Variants in TNFSF4 observed in about 807,000 individuals in gnomAD.
TNFSF4 encodes the protein TNF superfamily member 4.
A neutral mutation model predicts 7.3 loss-of-function variants in TNFSF4; 4 were observed. The observed-to-expected ratio is 0.55, with a 90% CI of 0.27 to 1.25. The LOEUF (loss-of-function observed/expected upper bound fraction) is 1.25, where lower values mean the gene tolerates loss of function less well. Ranked by LOEUF, TNFSF4 falls within the 50% of genes most tolerant of loss-of-function variation. TNFSF4 has a pLI of 0.12. For synonymous variants in TNFSF4, 76 were observed against 83.7 expected (o/e 0.91, Z 0.50); for missense variants, 181 against 208.8 (o/e 0.87, Z 0.82).
the TNFSF4 span, among the ~76,000 whole-genome samples, chr1:173,250,544 C>G: frequency 6.6e-6 from 1 of 151,590 alleles, no homozygotes; most frequent in Non-Finnish European, 1.5e-5. Context: ...ACTGCAAGCT[C>G]CGCCTCCCGG....
chr1:173,442,623 C>G, the TNFSF4 span, among the ~76,000 whole-genome samples: 1 of 140,510 alleles, frequency 7.1e-6, no homozygotes, highest in African/African-American at 2.6e-5. Flanking sequence ...AATCTCAACT[C>G]ACTGCAACCT....
chr1:173,444,525 A>AT, the TNFSF4 span, among the ~76,000 whole-genome samples: 5 of 151,418 alleles, frequency 3.3e-5, no homozygotes, highest in African/African-American at 1.2e-4. Flanking sequence ...TTTTTTTTTA[A>AT]TTTTTTGAAA....
chr1:173,264,982 C>T, the TNFSF4 span, among the ~76,000 whole-genome samples: 1 of 152,178 alleles, frequency 6.6e-6, no homozygotes, highest in African/African-American at 2.4e-5. Flanking sequence ...AGGCAAAATA[C>T]CTCATTTCTA....
chr1:173,267,739 T>C, the TNFSF4 span, among the ~76,000 whole-genome samples: 2 of 152,044 alleles, frequency 1.3e-5, no homozygotes, highest in Non-Finnish European at 2.9e-5. Flanking sequence ...CCAGGATTAC[T>C]CACTAGTCAG....
At chr1:173,289,735 C>T in the TNFSF4 span, among the ~76,000 whole-genome samples, 4 of 152,012 alleles carry the variant, frequency 2.6e-5, no homozygotes, top group African/African-American at 9.7e-5. Flanking sequence ...AATGCAGTAT[C>T]TGAATTGAAA....
At chr1:173,223,847 G>A in the TNFSF4 span, among the ~76,000 whole-genome samples, 1 of 152,190 alleles carries the variant, frequency 6.6e-6, no homozygotes, top group Non-Finnish European at 1.5e-5. Context: ...GCAAAGGAGA[G>A]AAACCCCAGG....
the TNFSF4 span, among the ~76,000 whole-genome samples, chr1:173,369,593 G>A: frequency 6.6e-6 from 1 of 152,042 alleles, no homozygotes; most frequent in East Asian, 1.9e-4. Flanking sequence ...CTTTCAGATG[G>A]GAAACACTCA....
chr1:173,313,123 A>T, the TNFSF4 span, among the ~76,000 whole-genome samples: 1 of 152,106 alleles, frequency 6.6e-6, no homozygotes, highest in African/African-American at 2.4e-5. Flanking sequence ...TACCTTAGTA[A>T]CCAATGTCAG....
chr1:173,362,696 T>C, the TNFSF4 span: 2 of 412,352 alleles, frequency 4.9e-6, no homozygotes, highest in Middle Eastern at 3.8e-4. Context: ...ATTAATGCTG[T>C]CAGAGGAGGG....
chr1:173,358,751 A>C, the TNFSF4 span, among the ~76,000 whole-genome samples: 1 of 152,370 alleles, frequency 6.6e-6, no homozygotes, highest in East Asian at 1.9e-4. Context: ...ACTCATATCT[A>C]ATAATATAGA....
At chr1:173,294,046 A>G in the TNFSF4 span, among the ~76,000 whole-genome samples, 77 of 152,214 alleles carry the variant, frequency 5.1e-4, 1 homozygote, top group African/African-American at 1.8e-3. Context: ...AGCAATTTGA[A>G]GATTTCTCAA....
chr1:173,258,283 G>C, the TNFSF4 span, among the ~76,000 whole-genome samples: 1 of 151,920 alleles, frequency 6.6e-6, no homozygotes, highest in Non-Finnish European at 1.5e-5. Context: ...GAGGTATGCA[G>C]GTTCTCTCAT....
At chr1:173,394,855 T>C in the TNFSF4 span, among the ~76,000 whole-genome samples, 6 of 152,076 alleles carry the variant, frequency 3.9e-5, no homozygotes, top group Non-Finnish European at 7.3e-5. Flanking sequence ...ATCATGGGAC[T>C]ACTCACCCTC....
At chr1:173,200,716 T>C (rs1445480574) in intron 1 of TNFSF4, among the ~76,000 whole-genome samples, 3 of 152,246 alleles carry the variant, frequency 2.0e-5, no homozygotes, top group Non-Finnish European at 4.4e-5. Flanking sequence ...CTTTCTAGGA[T>C]GAAGGTCTGG....
the TNFSF4 span, among the ~76,000 whole-genome samples, chr1:173,272,223 T>C: frequency 1.3e-5 from 2 of 151,896 alleles, no homozygotes; most frequent in Non-Finnish European, 2.9e-5. Flanking sequence ...GCAGAGAGCA[T>C]TAGGAGAAAT....
At chr1:173,442,829 G>A in the TNFSF4 span, among the ~76,000 whole-genome samples, 4 of 151,840 alleles carry the variant, frequency 2.6e-5, no homozygotes, top group African/African-American at 9.7e-5. Flanking sequence ...GATTACAGGT[G>A]TGAGCCACTG....
chr1:173,179,358 T>C (rs533505056), downstream of TNFSF4, among the ~76,000 whole-genome samples: 2 of 152,316 alleles, frequency 1.3e-5, no homozygotes, highest in South Asian at 4.1e-4. Context: ...GAAAAATGGC[T>C]GTCCCTTCAC....
At chr1:173,441,733 G>T in the TNFSF4 span, among the ~76,000 whole-genome samples, 1 of 152,190 alleles carries the variant, frequency 6.6e-6, no homozygotes, top group African/African-American at 2.4e-5. Context: ...CTCTAAAAGG[G>T]AATTTATTTG....
chr1:173,292,054 C>T, the TNFSF4 span, among the ~76,000 whole-genome samples: 103,938 of 151,484 alleles, frequency 0.69, 35,746 homozygotes, highest in Middle Eastern at 0.79. Context: ...TTATACCAAA[C>T]GTATAAAGAA....
Sources: gnomAD v4.1 joint callset for allele counts (sites outside exome capture counted in the v4.1 genomes callset) on GRCh38, gnomAD v4.1.1 for gene constraint, MANE v1.5 for transcripts, NCBI Gene and HGNC (gene_info 2026-07-23, HGNC 2026-07-21) for gene names.